The following LMX1A variants were observed in gnomAD, a reference collection of about 807,000 sequenced individuals.
LMX1A encodes the protein LIM homeobox transcription factor 1 alpha.
Under a neutral mutation model 49.1 loss-of-function variants are expected in LMX1A, and 15 were observed. The ratio of observed to expected loss-of-function variants is 0.31; its 90% CI spans 0.20 to 0.47. The LOEUF (loss-of-function observed/expected upper bound fraction) is 0.47. LMX1A is among the 20% of genes least tolerant of loss of function. LMX1A has a pLI of 1.00. For synonymous variants in LMX1A, 167 were observed against 185.7 expected (o/e 0.90, Z 0.82); for missense variants, 372 against 475.8 (o/e 0.78, Z 2.03).
At chr1:165,282,059 G>A (rs749246329) in intron 3 of LMX1A, among the ~76,000 whole-genome samples, 2 of 152,172 alleles carry the variant, frequency 1.3e-5, no homozygotes, top group Non-Finnish European at 2.9e-5. Context: ...TCAGACCACA[G>A]CCTTGCCACT....
At chr1:165,293,198 T>C (rs1475656558) in intron 3 of LMX1A, among the ~76,000 whole-genome samples, 3 of 152,078 alleles carry the variant, frequency 2.0e-5, no homozygotes, top group Non-Finnish European at 2.9e-5. Context: ...CCAGATGTCC[T>C]CAGGGAAGCA....
intron 4 of LMX1A, among the ~76,000 whole-genome samples, chr1:165,222,091 T>G (rs1651872688): frequency 6.6e-6 from 1 of 152,178 alleles, no homozygotes; most frequent in South Asian, 2.1e-4. Context: ...TACCTACACA[T>G]AGATTTGTCA....
chr1:165,344,861 G>A (rs1263957062), intron 3 of LMX1A, among the ~76,000 whole-genome samples: 1 of 152,134 alleles, frequency 6.6e-6, no homozygotes, highest in Non-Finnish European at 1.5e-5. Flanking sequence ...CCCTTTGCAG[G>A]GCCCCATGCT....
intron 3 of LMX1A, among the ~76,000 whole-genome samples, chr1:165,276,841 A>T (rs968469995): frequency 3.3e-5 from 5 of 152,228 alleles, no homozygotes; most frequent in Non-Finnish European, 7.4e-5. Flanking sequence ...CTGTACATGT[A>T]ACTGGACATT....
In LMX1A at chr1:165,205,936, C is replaced by T. The variant is rs1309280900; in HGVS notation, c.916G>A (p.Val306Ile). The T allele has an allele frequency of 6.2e-7, 1 of 1,614,016 alleles. No homozygotes were observed. Among genetic ancestry groups the T allele is most frequent in the South Asian group, 1.1e-5 (1 of 91,064 alleles). ...PQQLLAIEQS[V>I]YSSDPFRQGL... is the part of the protein sequence containing the mutation. ...TGTCGGAAGGGATCTGAGCTGTAGA[C>T]ACTCTGCTCGATGGCCAGGAGCTGC... The change falls in exon 8 of 9, where the codon GTC becomes ATC. Residue 306 changes from valine to isoleucine, a missense_variant. Coordinates refer to ENST00000342310, the MANE Select transcript of LMX1A (RefSeq NM_177398.4).
At chr1:165,326,630 G>A (rs1376759259) in intron 3 of LMX1A, among the ~76,000 whole-genome samples, 4 of 152,180 alleles carry the variant, frequency 2.6e-5, no homozygotes, top group South Asian at 2.1e-4. Flanking sequence ...TAGACTGGCC[G>A]CCTGGCCTGT....
chr1:165,349,134 G>T (rs1340917855), intron 3 of LMX1A, among the ~76,000 whole-genome samples: 1 of 152,216 alleles, frequency 6.6e-6, no homozygotes, highest in Non-Finnish European at 1.5e-5. Flanking sequence ...GACCCACAGA[G>T]CCAGGCACAT....
intron 4 of LMX1A, among the ~76,000 whole-genome samples, chr1:165,245,709 C>T (rs1652829942): frequency 6.6e-6 from 1 of 151,854 alleles, no homozygotes; most frequent in Non-Finnish European, 1.5e-5. Flanking sequence ...GTCTTTTTGG[C>T]TCCTATTGGA....
chr1:165,260,266 T>C (rs1286815485), intron 3 of LMX1A, among the ~76,000 whole-genome samples: 1 of 152,200 alleles, frequency 6.6e-6, no homozygotes, highest in African/African-American at 2.4e-5. Context: ...TGTTCCACAA[T>C]TTTTGGCTTG....
chr1:165,239,612 C>A (rs938887801), intron 4 of LMX1A, among the ~76,000 whole-genome samples: 1 of 152,178 alleles, frequency 6.6e-6, no homozygotes, highest in African/African-American at 2.4e-5. Context: ...GTGTAAGAGA[C>A]AAATCTGTTG....
intron 3 of LMX1A, among the ~76,000 whole-genome samples, chr1:165,299,144 C>T (rs953215452): frequency 2.0e-5 from 3 of 152,232 alleles, no homozygotes; most frequent in African/African-American, 7.2e-5. Context: ...ATGCCTGATT[C>T]TTCCTCTTCT....
At chr1:165,289,898 C>T (rs1005796338) in intron 3 of LMX1A, among the ~76,000 whole-genome samples, 6 of 152,328 alleles carry the variant, frequency 3.9e-5, no homozygotes, top group African/African-American at 4.8e-5. Flanking sequence ...TGACATAGCT[C>T]GGTCTAGGCA....
intron 3 of LMX1A, among the ~76,000 whole-genome samples, chr1:165,277,873 G>A (rs757842696): frequency 1.3e-5 from 2 of 152,192 alleles, no homozygotes; most frequent in Non-Finnish European, 1.5e-5. Context: ...TTACCCAGGG[G>A]ACTCTATGGT....
intron 4 of LMX1A, among the ~76,000 whole-genome samples, chr1:165,248,022 A>G (rs1201524839): frequency 1.3e-5 from 2 of 152,258 alleles, no homozygotes; most frequent in African/African-American, 2.4e-5. Context: ...TAAATAAGAC[A>G]TACACTGTCC....
intron 3 of LMX1A, among the ~76,000 whole-genome samples, chr1:165,319,104 T>G (rs1655308157): frequency 6.6e-6 from 1 of 151,452 alleles, no homozygotes. Context: ...ATCTTAAACC[T>G]ACAGCCAACA....
intron 3 of LMX1A, among the ~76,000 whole-genome samples, chr1:165,345,817 G>A (rs1306827759): frequency 1.3e-5 from 2 of 152,114 alleles, no homozygotes; most frequent in Non-Finnish European, 2.9e-5. Flanking sequence ...TCGCTTTGAG[G>A]CCAATAGTTC....
intron 4 of LMX1A, among the ~76,000 whole-genome samples, chr1:165,247,048 C>CTTTTTTTT (rs1204141626): frequency 1.4e-4 from 3 of 21,420 alleles, no homozygotes; most frequent in South Asian, 2.1e-3. Flanking sequence ...ATCAGATCAG[C>CTTTTTTTT]TTTTTCTTTT....
chr1:165,295,521 G>A (rs1028242638), intron 3 of LMX1A, among the ~76,000 whole-genome samples: 2 of 150,578 alleles, frequency 1.3e-5, no homozygotes, highest in South Asian at 2.1e-4. Flanking sequence ...TGACAAACTT[G>A]AAGATTCATT....
chr1:165,276,733 G>A (rs1236848039), intron 3 of LMX1A, among the ~76,000 whole-genome samples: 1 of 152,182 alleles, frequency 6.6e-6, no homozygotes, highest in African/African-American at 2.4e-5. Context: ...CTGAAGAGAG[G>A]AGTTGGGGGA....
Sources: gnomAD v4.1 joint callset for allele counts (sites outside exome capture counted in the v4.1 genomes callset) on GRCh38, gnomAD v4.1.1 for gene constraint, MANE v1.5 for transcripts, NCBI Gene and HGNC (gene_info 2026-07-23, HGNC 2026-07-21) for gene names.